Variants in ASIC2 observed in about 807,000 individuals in gnomAD.
The protein encoded by ASIC2 is acid-sensing ion channel 2.
A neutral mutation model predicts 57.3 loss-of-function variants in ASIC2; 25 were observed. That is an observed-to-expected ratio of 0.44 (90% CI 0.32 to 0.61). ASIC2 has a LOEUF of 0.61. ASIC2 is among the 20% of genes least tolerant of loss of function. The probability of loss-of-function intolerance (pLI) is 0.06; values close to 1 mark genes in which losing one functional copy is unlikely to be tolerated. For synonymous variants in ASIC2, 319 were observed against 307.5 expected, an observed-to-expected ratio of 1.04 and a Z score of -0.39; for missense variants, 641 against 738.1, an observed-to-expected ratio of 0.87 and a Z score of 1.52.
intron 3 of ASIC2, among the ~76,000 whole-genome samples, chr17:33,060,642 G>A (rs1027310730): frequency 7.2e-5 from 11 of 152,042 alleles, no homozygotes; most frequent in Non-Finnish European, 1.5e-4. Context: ...TTGGAAATGC[G>A]GGCTCTTTTT....
intron 1 of ASIC2, among the ~76,000 whole-genome samples, chr17:33,260,147 A>G (rs1301696911): frequency 1.3e-5 from 2 of 152,158 alleles, no homozygotes; most frequent in Non-Finnish European, 2.9e-5. Flanking sequence ...TCTAAAAAAG[A>G]AAAATGCAGA....
At chr17:33,131,372 C>G (rs1036981772) in intron 1 of ASIC2, among the ~76,000 whole-genome samples, 5 of 152,208 alleles carry the variant, frequency 3.3e-5, no homozygotes, top group Non-Finnish European at 7.3e-5. Flanking sequence ...TCCCTCCCCT[C>G]TCTCATAAAA....
At chr17:33,883,534 T>G (rs1422059226) in intron 1 of ASIC2, among the ~76,000 whole-genome samples, 1 of 152,134 alleles carries the variant, frequency 6.6e-6, no homozygotes, top group Non-Finnish European at 1.5e-5. Flanking sequence ...AGCAGCCTCA[T>G]CTAGTGCCCT....
chr17:33,852,027 A>G (rs1913780805), intron 1 of ASIC2, among the ~76,000 whole-genome samples: 1 of 152,216 alleles, frequency 6.6e-6, no homozygotes, highest in South Asian at 2.1e-4. Flanking sequence ...TTCAGGCTGT[A>G]CTCAGTGACT....
intron 1 of ASIC2, among the ~76,000 whole-genome samples, chr17:33,789,622 G>A (rs1169757052): frequency 6.6e-6 from 1 of 152,022 alleles, no homozygotes; most frequent in Admixed American, 6.6e-5. Flanking sequence ...CTATTTTACT[G>A]GCAATCAGTA....
intron 1 of ASIC2, among the ~76,000 whole-genome samples, chr17:34,059,412 G>A (rs1908888121): frequency 1.3e-5 from 2 of 152,190 alleles, no homozygotes; most frequent in Non-Finnish European, 2.9e-5. Context: ...GGCGAGAGGA[G>A]CAGAGGGTAA....
intron 1 of ASIC2, among the ~76,000 whole-genome samples, chr17:33,162,680 C>T (rs1217621710): frequency 2.0e-5 from 3 of 152,206 alleles, no homozygotes; most frequent in South Asian, 2.1e-4. Flanking sequence ...GTCTCACACT[C>T]GGACTTGGCT....
chr17:33,082,163 T>A (rs919089583), intron 3 of ASIC2, among the ~76,000 whole-genome samples: 1 of 152,236 alleles, frequency 6.6e-6, no homozygotes, highest in South Asian at 2.1e-4. Flanking sequence ...CCAAGGTGTT[T>A]CTGAGGCTGT....
chr17:33,142,051 A>C (rs1329353815), intron 1 of ASIC2, among the ~76,000 whole-genome samples: 1 of 152,226 alleles, frequency 6.6e-6, no homozygotes, highest in African/African-American at 2.4e-5. Context: ...TGTCTTCTCC[A>C]TTAGACTACA....
chr17:33,017,071 C>A (rs1421625114), intron 8 of ASIC2, among the ~76,000 whole-genome samples: 2 of 152,304 alleles, frequency 1.3e-5, no homozygotes, highest in Non-Finnish European at 2.9e-5. Flanking sequence ...TGTCAGCAGC[C>A]GGGGCGGCTG....
intron 1 of ASIC2, among the ~76,000 whole-genome samples, chr17:33,573,099 T>C (rs1429959120): frequency 2.0e-5 from 3 of 152,208 alleles, no homozygotes; most frequent in Non-Finnish European, 2.9e-5. Flanking sequence ...GGGGCCACAA[T>C]GTCATCATGA....
intron 1 of ASIC2, among the ~76,000 whole-genome samples, chr17:33,196,532 C>G (rs1199813196): frequency 1.3e-5 from 2 of 152,198 alleles, no homozygotes; most frequent in African/African-American, 4.8e-5. Flanking sequence ...TTACAATGGC[C>G]TGTCCTGGTG....
At chr17:33,452,465 G>A (rs1357163249) in intron 1 of ASIC2, among the ~76,000 whole-genome samples, 6 of 152,314 alleles carry the variant, frequency 3.9e-5, no homozygotes, top group African/African-American at 1.4e-4. Context: ...CTGCTTGAAA[G>A]CAATGGAAAA....
chr17:33,484,648 CAACT>C (rs1336948662), intron 1 of ASIC2, among the ~76,000 whole-genome samples: 1 of 152,146 alleles, frequency 6.6e-6, no homozygotes, highest in Admixed American at 6.5e-5. Context: ...CAGCTCAGAC[CAACT>C]GAGGTAGGAG....
chr17:34,031,439 G>C (rs981803782), intron 1 of ASIC2, among the ~76,000 whole-genome samples: 6 of 152,168 alleles, frequency 3.9e-5, no homozygotes, highest in Admixed American at 2.6e-4. Flanking sequence ...ACTGGAAACT[G>C]TAAAAATCAG....
At chr17:33,500,246 C>T (rs1914061733) in intron 1 of ASIC2, among the ~76,000 whole-genome samples, 1 of 151,964 alleles carries the variant, frequency 6.6e-6, no homozygotes, top group Non-Finnish European at 1.5e-5. Context: ...AGGGGGTTTC[C>T]ACGTGTGACA....
At chr17:33,039,757 G>C (rs1303769796) in intron 3 of ASIC2, among the ~76,000 whole-genome samples, 1 of 152,150 alleles carries the variant, frequency 6.6e-6, no homozygotes, top group East Asian at 1.9e-4. Context: ...GGCTACCTCA[G>C]AGCAAAGCAA....
At chr17:33,576,030 T>A (rs1351969607) in intron 1 of ASIC2, among the ~76,000 whole-genome samples, 1 of 152,200 alleles carries the variant, frequency 6.6e-6, no homozygotes, top group African/African-American at 2.4e-5. Flanking sequence ...AATAAAAAAC[T>A]GGACACAGTT....
intron 1 of ASIC2, among the ~76,000 whole-genome samples, chr17:33,728,105 G>A (rs1909621520): frequency 6.6e-6 from 1 of 152,100 alleles, no homozygotes; most frequent in Non-Finnish European, 1.5e-5. Context: ...TGCACCTCAA[G>A]TCCCTCCTGC....
Sources: allele counts gnomAD v4.1 joint callset (sites outside exome capture counted in the v4.1 genomes callset), GRCh38; gene constraint gnomAD v4.1.1; transcripts MANE v1.5; gene names NCBI Gene and HGNC (gene_info 2026-07-23, HGNC 2026-07-21).